KHDRBS3: variants seen among roughly 807,000 people sequenced by gnomAD.
The protein encoded by KHDRBS3 is KH domain-containing, RNA-binding, signal transduction-associated protein 3.
A neutral mutation model predicts 45.6 loss-of-function variants in KHDRBS3; 23 were observed. That is an observed-to-expected ratio of 0.50 (90% CI 0.36 to 0.72). The LOEUF is 0.72. Among genes scored for constraint, KHDRBS3 ranks in the 30% least tolerant of loss-of-function variants. The pLI is 0.00. For missense variants in KHDRBS3, 352 were observed against 424.8 expected, an observed-to-expected ratio of 0.83 and a Z score of 1.51; for synonymous variants, 162 against 156.5, an observed-to-expected ratio of 1.04 and a Z score of -0.26.
chr8:135,519,173 A>G (rs1223128689), intron 1 of KHDRBS3, among the ~76,000 whole-genome samples: 1 of 152,156 alleles, frequency 6.6e-6, no homozygotes, highest in Non-Finnish European at 1.5e-5. Flanking sequence ...ATCCTTTCTT[A>G]TCTTCAGTTT....
chr8:135,585,761 C>A (rs532257090), intron 6 of KHDRBS3, among the ~76,000 whole-genome samples: 10 of 152,072 alleles, frequency 6.6e-5, no homozygotes, highest in Admixed American at 5.2e-4. Context: ...AGGAAAAATT[C>A]TTTATCTCTA....
chr8:135,618,334 T>C (rs1175549957), intron 7 of KHDRBS3, among the ~76,000 whole-genome samples: 3 of 152,164 alleles, frequency 2.0e-5, no homozygotes, highest in Non-Finnish European at 1.5e-5. Flanking sequence ...CTCAACCTGT[T>C]GGATAGATAG....
At chr8:135,614,736 A>G (rs748199240) in intron 7 of KHDRBS3, among the ~76,000 whole-genome samples, 1 of 151,796 alleles carries the variant, frequency 6.6e-6, no homozygotes, top group Non-Finnish European at 1.5e-5. Context: ...GAGTAGAGAC[A>G]GGGGTGAAAA....
chr8:135,637,325 C>T (rs1041758302), intron 7 of KHDRBS3, among the ~76,000 whole-genome samples: 28 of 152,206 alleles, frequency 1.8e-4, no homozygotes, highest in African/African-American at 6.3e-4. Flanking sequence ...AAATTCCTAA[C>T]GGTTATTGTA....
chr8:135,478,713 C>G (rs983670994), intron 1 of KHDRBS3, among the ~76,000 whole-genome samples: 1 of 152,064 alleles, frequency 6.6e-6, no homozygotes, highest in Non-Finnish European at 1.5e-5. Flanking sequence ...AATTAACAAA[C>G]TCCAAAATAA....
intron 1 of KHDRBS3, among the ~76,000 whole-genome samples, chr8:135,505,290 C>G (rs1823935003): frequency 6.6e-6 from 1 of 152,128 alleles, no homozygotes. Context: ...CTCAGTGAGG[C>G]CAAGTGATTT....
chr8:135,605,617 T>C (rs1374288963), intron 6 of KHDRBS3, among the ~76,000 whole-genome samples: 2 of 152,172 alleles, frequency 1.3e-5, no homozygotes, highest in African/African-American at 4.8e-5. Context: ...AATCCACACA[T>C]AATCAAGTTT....
At chr8:135,632,004 G>C (rs906349450) in intron 7 of KHDRBS3, among the ~76,000 whole-genome samples, 1 of 152,126 alleles carries the variant, frequency 6.6e-6, no homozygotes, top group Non-Finnish European at 1.5e-5. Context: ...GGACTGCCCT[G>C]GTATATATGG....
chr8:135,565,724 G>T (rs1225913065), intron 5 of KHDRBS3, among the ~76,000 whole-genome samples: 1 of 152,062 alleles, frequency 6.6e-6, no homozygotes, highest in African/African-American at 2.4e-5. Context: ...CAGCAGCTGT[G>T]GTTGCTGGAA....
rs550524651 is a variant in KHDRBS3 at position 135,574,004 on chromosome 8, A to T, written c.612-7874A>T. 1.4e-4 allele frequency among the ~76,000 whole-genome samples: 21 copies of T among 152,320 alleles called. No individual in the cohort carries two copies. In the East Asian group the frequency reaches 3.9e-3, roughly 28 times the overall value. The stretch of plus-strand genomic sequence containing the variant: ...GGATCTGCTTTTCTGTTTTTAAAAA[A>T]AGTGTCATTGATTATCAAGTTCTCA... On this transcript the variant is annotated intron_variant, in intron 5 of 8. Coordinates refer to ENST00000355849, the MANE Select transcript of KHDRBS3 (RefSeq NM_006558.3).
At chr8:135,520,713 A>G (rs1458113452) in intron 1 of KHDRBS3, among the ~76,000 whole-genome samples, 1 of 152,218 alleles carries the variant, frequency 6.6e-6, no homozygotes, top group Non-Finnish European at 1.5e-5. Flanking sequence ...AGCATTAGTA[A>G]AGACATTAGC....
At chr8:135,599,765 G>A (rs911671859) in intron 6 of KHDRBS3, among the ~76,000 whole-genome samples, 1 of 152,236 alleles carries the variant, frequency 6.6e-6, no homozygotes, top group African/African-American at 2.4e-5. Context: ...GCAGGAAGGA[G>A]AGAGGGATAA....
intron 6 of KHDRBS3, among the ~76,000 whole-genome samples, chr8:135,605,596 G>C (rs540989553): frequency 9.4e-4 from 143 of 152,166 alleles, no homozygotes; most frequent in African/African-American, 3.1e-3. Context: ...ACTATCCCCT[G>C]TGTATACCAA....
chr8:135,535,848 C>T (rs182208175), intron 2 of KHDRBS3, among the ~76,000 whole-genome samples: 10 of 152,240 alleles, frequency 6.6e-5, no homozygotes, highest in East Asian at 1.9e-4. Context: ...GGCATGGTCC[C>T]TGCTTCTAAG....
chr8:135,628,086 TTGTC>T (rs1830450660), intron 7 of KHDRBS3, among the ~76,000 whole-genome samples: 1 of 152,122 alleles, frequency 6.6e-6, no homozygotes, highest in Admixed American at 6.5e-5. Context: ...TTCTTCATCT[TTGTC>T]TGGCTTTTCT....
chr8:135,598,559 A>G (rs1483275398), intron 6 of KHDRBS3, among the ~76,000 whole-genome samples: 4 of 152,184 alleles, frequency 2.6e-5, no homozygotes, highest in Admixed American at 1.3e-4. Flanking sequence ...AAAATAAACA[A>G]CTGGGCATGT....
chr8:135,487,128 C>A (rs1822903149), intron 1 of KHDRBS3, among the ~76,000 whole-genome samples: 1 of 152,074 alleles, frequency 6.6e-6, no homozygotes, highest in Non-Finnish European at 1.5e-5. Flanking sequence ...TTATTTGACA[C>A]CATTTGTATT....
At chr8:135,614,122 A>T (rs959429042) in intron 7 of KHDRBS3, among the ~76,000 whole-genome samples, 1 of 151,930 alleles carries the variant, frequency 6.6e-6, no homozygotes, top group Non-Finnish European at 1.5e-5. Flanking sequence ...AACTTCACAC[A>T]TTTAATGAGT....
chr8:135,635,074 A>G (rs1229278067), intron 7 of KHDRBS3, among the ~76,000 whole-genome samples: 1 of 152,238 alleles, frequency 6.6e-6, no homozygotes, highest in Non-Finnish European at 1.5e-5. Context: ...TGTGGTTTAT[A>G]TATATTAATA....
Sources: gnomAD v4.1 joint callset for allele counts (sites outside exome capture counted in the v4.1 genomes callset) on GRCh38, gnomAD v4.1.1 for gene constraint, MANE v1.5 for transcripts, NCBI Gene and HGNC (gene_info 2026-07-23, HGNC 2026-07-21) for gene names.